The following ZNF335 variants were observed in gnomAD, a reference collection of about 807,000 sequenced individuals.
ZNF335 encodes the protein NRC-interacting factor 1.
ZNF335 carries 84 observed loss-of-function variants against 145.6 expected under a neutral mutation model. The ratio of observed to expected loss-of-function variants is 0.58; its 90% CI spans 0.48 to 0.69. The LOEUF (loss-of-function observed/expected upper bound fraction) is 0.69. Among genes scored for constraint, ZNF335 ranks in the 30% least tolerant of loss-of-function variants. The pLI is 0.00. For missense variants in ZNF335, 1,865 were observed against 1,809.7 expected, an observed-to-expected ratio of 1.03 and a Z score of -0.55; for synonymous variants, 761 against 717.0, an observed-to-expected ratio of 1.06 and a Z score of -0.98.
rs138471809 is a variant in ZNF335, at chr20:45,963,557, G to A, written c.1449C>T (p.His483=). 64 of 1,614,204 alleles carry A rather than the reference G, an allele frequency of 4.0e-5. 1 individual carries two copies. Among genetic ancestry groups the A allele is most frequent in the Middle Eastern group, 1.6e-4 (1 of 6,062 alleles). Residue 483 remains histidine (H), a synonymous_variant, in exon 9 of 28, where the codon CAC becomes CAT. Coordinates refer to ENST00000322927, the MANE Select transcript of ZNF335 (RefSeq NM_022095.4). ...RFLSHEDLRF[H]VNSHEAGDPQ... ...GATCGCCAGCCTCATGGGAGTTGAC[G>A]TGGAAGCGCAGGTCCTCGTGGGACA...
At chr20:45,952,038 T>C in intron 20 of ZNF335, 109 bp downstream of exon 20, 1 of 1,439,534 alleles carries the variant, frequency 6.9e-7, no homozygotes, top group Non-Finnish European at 9.2e-7. Flanking sequence ...TCTCATCCAC[T>C]CAGAGGAGAG....
rs1363716627 is a variant in ZNF335, at chr20:45,960,743, A to G, written c.1666-11T>C. 7.4e-6 allele frequency: 12 copies of G among 1,613,570 alleles called. No homozygotes were observed. The highest frequency in any genetic ancestry group is 1.0e-5 in the Non-Finnish European group (12 of 1,179,560). On this transcript the variant is annotated splice_polypyrimidine_tract_variant and intron_variant, in intron 11 of 27. Transcript: ENST00000322927. The stretch of plus-strand genomic sequence containing the variant: ...GCTCAGCTTTGGAGTCTAGGAAGGC[A>G]TAAGAAGGGGCCAGATGGAGAAAGA...
At position 45,957,603 on chromosome 20, in the gene ZNF335, C is replaced by A; in HGVS notation, c.2425G>T (p.Gly809Trp). ...LLNMSAQREL[G>W]GTALQVAVVK... Reference sequence around the variant, plus strand: ...CAGCTCACCTGCAGGGCTGTGCCCCCCAGTTCCCGCTGAGCACTCATGTTC... The same window carrying A: ...CAGCTCACCTGCAGGGCTGTGCCCCACAGTTCCCGCTGAGCACTCATGTTC... The change falls in exon 17 of 28, where the codon GGG becomes TGG. Residue 809 changes from glycine (G) to tryptophan (W), a missense_variant. By Grantham distance (184) the Gly-to-Trp change is radical. Coordinates refer to ENST00000322927, the MANE Select transcript of ZNF335 (RefSeq NM_022095.4). The A allele has an allele frequency of 6.2e-7, 1 of 1,614,138 alleles. No homozygotes were observed. Among genetic ancestry groups the A allele is most frequent in the South Asian group, 1.1e-5 (1 of 91,082 alleles).
At chr20:45,966,998 C>G (rs1244701813) in intron 6 of ZNF335, 1 of 174,518 alleles carries the variant, frequency 5.7e-6, no homozygotes, top group African/African-American at 2.4e-5. Context: ...ATTACAGACA[C>G]ATACCACAAC....
chr20:45,966,858 CT>C (rs77856259), intron 6 of ZNF335: 1,804 of 130,564 alleles, frequency 0.014, 24 homozygotes, highest in African/African-American at 0.043. Context: ...CGGCATTTCT[CT>C]TTTTTTTTTT....
At position 45,948,831 on chromosome 20, in the gene ZNF335, T is replaced by C. The variant is rs2083572541; in HGVS notation, c.*122A>G. 6.7e-7 allele frequency: 1 copy of C among 1,486,942 alleles called. No homozygotes were observed. 92.1% of individuals were successfully genotyped at this position (1,486,942 alleles called of 1,614,324 possible). On this transcript the variant is annotated 3_prime_UTR_variant, in exon 28 of 28. Coordinates refer to ENST00000322927, the MANE Select transcript of ZNF335 (RefSeq NM_022095.4). ...CAGCACAGGTCTGGCTCCCTGGGAATGAGAGGATGCTGGCTATCCAGTATC... is the reference window on the plus strand; with the variant it reads ...CAGCACAGGTCTGGCTCCCTGGGAACGAGAGGATGCTGGCTATCCAGTATC...
chr20:45,970,463 C>T (rs1051061485), intron 2 of ZNF335, among the ~76,000 whole-genome samples: 2 of 152,222 alleles, frequency 1.3e-5, no homozygotes, highest in African/African-American at 4.8e-5. Context: ...TATGTTAATT[C>T]ATTTCATCCT....
chr20:45,957,841 G>C lies in ZNF335; in HGVS notation c.2341C>G (p.Gln781Glu), dbSNP rs767982728. 1 of 1,613,904 alleles carries C rather than the reference G, an allele frequency of 6.2e-7. No homozygotes were observed. Among genetic ancestry groups the C allele is most frequent in the Non-Finnish European group, 8.5e-7 (1 of 1,179,994 alleles). The change falls in exon 16 of 28, where the codon CAG (glutamine) becomes GAG (glutamate). Residue 781 changes from glutamine (Q) to glutamate (E), a missense_variant. Coordinates refer to ENST00000322927, the MANE Select transcript of ZNF335 (RefSeq NM_022095.4). ...ATCCTCCTACAGAGCTCACCTTGCT[G>C]GTAGATGATGGTGGCGCCGCCCAGG... ...DTLGGATIIY[Q>E]QGAEESTAMA...
intron 10 of ZNF335, 89 bp downstream of exon 10, chr20:45,961,980 CG>C: frequency 2.7e-6 from 3 of 1,114,372 alleles, no homozygotes; most frequent in Admixed American, 3.7e-5. Context: ...AGCAGGAGCA[CG>C]GTAAGTGGGA....
rs767631994 is a variant in ZNF335 at position 45,952,401 on chromosome 20, TG to T, written c.2934del (p.Lys979ArgfsTer5). 1 of 1,588,832 alleles carries T rather than the reference TG, an allele frequency of 6.3e-7. No homozygotes were observed. ...PRDGPEPPSP[A>X]KTHCVGDSQS... Reference sequence around the variant, plus strand: ...TGGGAGTCCCCTACGCAGTGGGTCTTGGCTGGAGATGGGGGCTCAGGGCCGT... The same window carrying T: ...TGGGAGTCCCCTACGCAGTGGGTCTTGCTGGAGATGGGGGCTCAGGGCCGT... On this transcript the variant is annotated frameshift_variant, in exon 20 of 28. Coordinates refer to ENST00000322927, the MANE Select transcript of ZNF335 (RefSeq NM_022095.4). LOFTEE classifies it high-confidence loss of function.
intron 2 of ZNF335, 156 bp from the exon 3 acceptor site, chr20:45,969,847 G>C (rs1006198839): frequency 1.1e-6 from 1 of 947,110 alleles, no homozygotes; most frequent in East Asian, 2.8e-5. Flanking sequence ...CAGTGAGAGA[G>C]GCCCTCCAGT....
At chr20:45,969,747 C>A in intron 2 of ZNF335, 56 bp from the exon 3 acceptor site, 1 of 1,578,454 alleles carries the variant, frequency 6.3e-7, no homozygotes, top group Non-Finnish European at 8.6e-7. Context: ...TGGGGCAGGG[C>A]AGCCTGCCAG....
intron 1 of ZNF335, 161 bp downstream of exon 1, chr20:45,971,961 T>C: frequency 2.0e-6 from 2 of 985,422 alleles, no homozygotes; most frequent in Non-Finnish European, 2.4e-6. Flanking sequence ...GGCGCCGGGT[T>C]TCCGCTCAGG....
chr20:45,965,834 A>T, intron 6 of ZNF335, 60 bp from the exon 7 acceptor site: 1 of 1,537,762 alleles, frequency 6.5e-7, no homozygotes, highest in African/African-American at 1.4e-5. Context: ...TTCAGCCCTG[A>T]CCCCTTGCCC....
chr20:45,972,073 A>C, intron 1 of ZNF335, 49 bp downstream of exon 1: 1 of 1,281,956 alleles, frequency 7.8e-7, no homozygotes, highest in Non-Finnish European at 1.0e-6. Context: ...GTGTGACCTC[A>C]CTCCACGGCA....
At chr20:45,971,816 C>T (rs2084074772) in intron 1 of ZNF335, 1 of 985,400 alleles carries the variant, frequency 1.0e-6, no homozygotes, top group African/African-American at 1.7e-5. Flanking sequence ...GTACAGCCCG[C>T]TGGCCCCCTG....
chr20:45,960,148 T>C (rs1832309981), intron 14 of ZNF335, 60 bp downstream of exon 14: 1 of 1,587,748 alleles, frequency 6.3e-7, no homozygotes, highest in African/African-American at 1.3e-5. Context: ...GCTAAGCCTC[T>C]GATCAGGGGT....
chr20:45,953,660 A>C, intron 18 of ZNF335, 29 bp downstream of exon 18: 3 of 1,608,104 alleles, frequency 1.9e-6, no homozygotes, highest in Non-Finnish European at 2.6e-6. Flanking sequence ...CAAAAAGCTG[A>C]AAGGGGCCTT....
chr20:45,957,562 G>T (rs370177606), intron 17 of ZNF335, 24 bp downstream of exon 17: 54 of 1,606,590 alleles, frequency 3.4e-5, no homozygotes, highest in Non-Finnish European at 4.3e-5. Flanking sequence ...GCTGGGAAGG[G>T]GAGCAGGTTC....
Sources: allele counts gnomAD v4.1 joint callset (sites outside exome capture counted in the v4.1 genomes callset), GRCh38; gene constraint gnomAD v4.1.1; transcripts MANE v1.5; gene names NCBI Gene and HGNC (gene_info 2026-07-23, HGNC 2026-07-21).